Variants in CALN1 observed in about 807,000 individuals in gnomAD.
CALN1 encodes calneuron 1, also known as calcium-binding protein 8.
CALN1 carries 17 observed loss-of-function variants against 30.6 expected under a neutral mutation model. That is an observed-to-expected ratio of 0.56 (90% CI 0.38 to 0.83). The LOEUF (loss-of-function observed/expected upper bound fraction) is 0.83. Among genes scored for constraint, CALN1 ranks in the 40% least tolerant of loss-of-function variants. The pLI is 0.00. For synonymous variants in CALN1, 156 were observed against 131.4 expected (o/e 1.19, Z -1.28); for missense variants, 291 against 354.9 (o/e 0.82, Z 1.45).
At chr7:72,044,598 A>ATTTTTTTTTTTTTTTT (rs1563005478) in intron 4 of CALN1, among the ~76,000 whole-genome samples, 1 of 114,436 alleles carries the variant, frequency 8.7e-6, no homozygotes, top group African/African-American at 3.5e-5. Context: ...TCCGCTTAAA[A>ATTTTTTTTTTTTTTTT]CTTTTTTTTT....
rs536299212 is a variant in CALN1, at chr7:71,842,762, C to CT, written c.502-32271dup. 3.7e-4 allele frequency among the ~76,000 whole-genome samples: 56 copies of CT among 152,314 alleles called. No homozygotes were observed. In the South Asian group the frequency reaches 0.011, roughly 30 times the overall value. On this transcript the variant is annotated intron_variant, in intron 5 of 6. Coordinates refer to ENST00000395275, the MANE Select transcript of CALN1 (RefSeq NM_031468.4). ...GCTTTGAACCCCATAACTATTAGTACTTCCATAAGTAATTATTCCCAAAAG... is the reference window on the plus strand; with the variant it reads ...GCTTTGAACCCCATAACTATTAGTACTTTCCATAAGTAATTATTCCCAAAAG...
chr7:72,478,737 G>A, the CALN1 span, among the ~76,000 whole-genome samples: 5 of 151,802 alleles, frequency 3.3e-5, no homozygotes, highest in African/African-American at 7.3e-5. Context: ...ATAAATAACC[G>A]GGTACCCAAA....
chr7:72,456,197 AGAG>A, the CALN1 span, among the ~76,000 whole-genome samples: 1,508 of 133,620 alleles, frequency 0.011, 27 homozygotes, highest in African/African-American at 0.041. Flanking sequence ...AAAAAAAAAA[AGAG>A]AGAGAGAGAG....
rs1562802028 is a variant in CALN1, at chr7:71,812,925, TCA to T, written c.502-2435_502-2434del. The stretch of plus-strand genomic sequence containing the variant: ...TGTCCAGCTATTTTATTTATCATCA[TCA>T]TCATTATTATTATTATTATTATTAT... On this transcript the variant is annotated intron_variant, in intron 5 of 6. Coordinates refer to ENST00000395275, the MANE Select transcript of CALN1 (RefSeq NM_031468.4). Among the ~76,000 whole-genome samples the T allele has an allele frequency of 1.3e-3, 110 of 85,568 alleles. 1 individual carries two copies. The highest frequency in any genetic ancestry group is 3.4e-3 in the African/African-American group (93 of 27,376). The allele number at this position is 85,568 out of a possible 152,430, so 56.1% of individuals were successfully genotyped here.
intron 2 of CALN1, among the ~76,000 whole-genome samples, chr7:72,371,849 C>T (rs1804263773): frequency 6.6e-6 from 1 of 152,176 alleles, no homozygotes; most frequent in South Asian, 2.1e-4. Flanking sequence ...AAGCATGTTC[C>T]ACCCTTGCTC....
chr7:72,026,059 C>G (rs1008700294), intron 4 of CALN1, among the ~76,000 whole-genome samples: 3 of 152,164 alleles, frequency 2.0e-5, no homozygotes, highest in African/African-American at 7.2e-5. Flanking sequence ...CAAGATAAGT[C>G]TAAAATTTCA....
intron 6 of CALN1, 32 bp from the exon 7 acceptor site, chr7:71,787,934 G>A (rs755350805): frequency 1.9e-6 from 3 of 1,613,704 alleles, no homozygotes; most frequent in Non-Finnish European, 2.5e-6. Flanking sequence ...GTGGGAAGAA[G>A]GAAGAGGGGT....
chr7:72,337,032 C>T, intron 2 of CALN1: 1 of 985,782 alleles, frequency 1.0e-6, no homozygotes, highest in Non-Finnish European at 1.2e-6. Context: ...CCCGCACCCC[C>T]TGCACCGCGC....
At chr7:72,401,981 CTTTG>C (rs1158261550) in intron 2 of CALN1, among the ~76,000 whole-genome samples, 1 of 152,180 alleles carries the variant, frequency 6.6e-6, no homozygotes, top group Non-Finnish European at 1.5e-5. Flanking sequence ...CCATGCCTGC[CTTTG>C]GTGGAAGGTC....
intron 5 of CALN1, among the ~76,000 whole-genome samples, chr7:71,829,528 A>G (rs928644012): frequency 1.8e-4 from 28 of 152,240 alleles, no homozygotes; most frequent in African/African-American, 6.5e-4. Flanking sequence ...TGTTGTCTGT[A>G]AAGTAAAGGG....
At chr7:71,837,870 G>T (rs971181338) in intron 5 of CALN1, among the ~76,000 whole-genome samples, 3 of 151,618 alleles carry the variant, frequency 2.0e-5, no homozygotes, top group Admixed American at 2.0e-4. Context: ...TAACAAATTG[G>T]ATCTAAATCC....
intron 3 of CALN1, among the ~76,000 whole-genome samples, chr7:72,115,149 T>C (rs1288508258): frequency 6.9e-6 from 1 of 144,616 alleles, no homozygotes; most frequent in Non-Finnish European, 1.5e-5. Flanking sequence ...ATAATGTCCA[T>C]GTCCCACATT....
intron 3 of CALN1, among the ~76,000 whole-genome samples, chr7:72,116,476 G>A (rs1807991654): frequency 6.6e-6 from 1 of 152,208 alleles, no homozygotes; most frequent in Non-Finnish European, 1.5e-5. Context: ...GAGGCTGAGA[G>A]AGGCTGAGGC....
chr7:72,237,882 T>C (rs1794574008), intron 3 of CALN1, among the ~76,000 whole-genome samples: 2 of 152,000 alleles, frequency 1.3e-5, no homozygotes, highest in Admixed American at 6.6e-5. Flanking sequence ...CCATGGAAAA[T>C]GGAAGTGCCT....
chr7:72,186,537 G>A (rs1378975982), intron 3 of CALN1, among the ~76,000 whole-genome samples: 1 of 152,106 alleles, frequency 6.6e-6, no homozygotes, highest in Non-Finnish European at 1.5e-5. Flanking sequence ...AGTGAACACA[G>A]GGCCCAACAG....
chr7:72,316,823 T>C (rs1411308891), intron 2 of CALN1, among the ~76,000 whole-genome samples: 1 of 151,912 alleles, frequency 6.6e-6, no homozygotes, highest in Non-Finnish European at 1.5e-5. Context: ...CACATGCGTG[T>C]AGTCCCAGCT....
the CALN1 span, among the ~76,000 whole-genome samples, chr7:72,455,858 A>G: frequency 6.6e-6 from 1 of 152,176 alleles, no homozygotes; most frequent in Non-Finnish European, 1.5e-5. Context: ...TGAGGCTGTG[A>G]ACTTGACAGT....
chr7:71,894,282 C>T (rs534286195), intron 5 of CALN1, among the ~76,000 whole-genome samples: 1 of 152,198 alleles, frequency 6.6e-6, no homozygotes, highest in Non-Finnish European at 1.5e-5. Flanking sequence ...CCAAGTCTCA[C>T]TTATTCCTTC....
chr7:72,141,543 A>C (rs1438400020), intron 3 of CALN1, among the ~76,000 whole-genome samples: 1 of 151,940 alleles, frequency 6.6e-6, no homozygotes, highest in Non-Finnish European at 1.5e-5. Context: ...GAGGGCTCAA[A>C]ACTCCACCCT....
Sources: gnomAD v4.1 joint callset for allele counts (sites outside exome capture counted in the v4.1 genomes callset) on GRCh38, gnomAD v4.1.1 for gene constraint, MANE v1.5 for transcripts, NCBI Gene and HGNC (gene_info 2026-07-23, HGNC 2026-07-21) for gene names.